DIP2C: variants seen among roughly 807,000 people sequenced by gnomAD.
The protein encoded by DIP2C is disco-interacting protein 2 homolog C.
A neutral mutation model predicts 192.4 loss-of-function variants in DIP2C; 33 were observed. The ratio of observed to expected loss-of-function variants is 0.17; its 90% CI spans 0.13 to 0.23. The LOEUF (loss-of-function observed/expected upper bound fraction) is 0.23, where lower values mean the gene tolerates loss of function less well. Among genes scored for constraint, DIP2C ranks in the 10% least tolerant of loss-of-function variants. The pLI is 1.00. For missense variants in DIP2C, 1,537 were observed against 2,110.1 expected (o/e 0.73, Z 5.32); for synonymous variants, 979 against 864.1 (o/e 1.13, Z -2.33).
At chr10:662,137 T>G (rs1856798155) in intron 1 of DIP2C, 3 of 717,182 alleles carry the variant, frequency 4.2e-6, no homozygotes, top group South Asian at 3.0e-5. Flanking sequence ...TTCCACATTC[T>G]GACCCCAATC....
intron 32 of DIP2C, among the ~76,000 whole-genome samples, chr10:300,331 A>G (rs1428689124): frequency 6.6e-6 from 1 of 152,242 alleles, no homozygotes; most frequent in Non-Finnish European, 1.5e-5. Flanking sequence ...AGATTTTGAC[A>G]CAATGCTACA....
chr10:667,437 T>C (rs1474311063), intron 1 of DIP2C: 4 of 152,170 alleles, frequency 2.6e-5, no homozygotes, highest in Non-Finnish European at 5.9e-5. Flanking sequence ...TGAGGAGCAG[T>C]CACGTGGATG....
intron 3 of DIP2C, among the ~76,000 whole-genome samples, chr10:458,037 G>A (rs573625271): frequency 1.2e-3 from 182 of 152,278 alleles, no homozygotes; most frequent in African/African-American, 4.0e-3. Context: ...AAAGTGCAGT[G>A]ATGAAGCAGG....
chr10:651,185 C>T lies in DIP2C; in HGVS notation c.85+38309G>A, dbSNP rs1431506359. 3 of 717,522 alleles carry T rather than the reference C, an allele frequency of 4.2e-6. No individual in the cohort carries two copies. Among genetic ancestry groups the T allele is most frequent in the Non-Finnish European group, 7.8e-6 (3 of 385,126 alleles). The allele number at this position is 717,522 out of a possible 1,614,324, so 44.4% of individuals were successfully genotyped here. ...ACCTGCCCAGGTCTGGGACCACCGT[C>T]CTCCACGCATATCTACAGACCCTGT... On this transcript the variant is annotated intron_variant, in intron 1 of 36. Coordinates refer to ENST00000280886, the MANE Select transcript of DIP2C (RefSeq NM_014974.3). The surrounding 1 kb of genome is among the most constrained non-coding windows in gnomAD (Gnocchi z 4.1).
intron 7 of DIP2C, among the ~76,000 whole-genome samples, chr10:414,670 G>C (rs1965423968): frequency 6.8e-6 from 1 of 147,696 alleles, no homozygotes; most frequent in Non-Finnish European, 1.5e-5. Context: ...CTACAGGCAT[G>C]CACCACCACG....
chr10:553,856 T>G (rs1482255423), intron 1 of DIP2C, among the ~76,000 whole-genome samples: 1 of 151,806 alleles, frequency 6.6e-6, no homozygotes, highest in African/African-American at 2.4e-5. Flanking sequence ...ACGTATACGC[T>G]TGTAACTAAC....
At chr10:640,018 C>T (rs530456940) in intron 1 of DIP2C, among the ~76,000 whole-genome samples, 3 of 151,148 alleles carry the variant, frequency 2.0e-5, no homozygotes, top group Admixed American at 1.3e-4. Context: ...TCCACGCATC[C>T]CCACGCGGCT....
intron 4 of DIP2C, among the ~76,000 whole-genome samples, chr10:429,169 C>A (rs962620142): frequency 6.6e-6 from 1 of 151,998 alleles, no homozygotes; most frequent in African/African-American, 2.4e-5. Flanking sequence ...TCACATGCTA[C>A]TAAAAAATCC....
At chr10:578,198 A>G (rs1057449305) in intron 1 of DIP2C, among the ~76,000 whole-genome samples, 5 of 152,180 alleles carry the variant, frequency 3.3e-5, no homozygotes, top group African/African-American at 1.2e-4. Context: ...GAACTTACAT[A>G]TCATTTTCAA....
chr10:549,823 A>G (rs1381172990), intron 1 of DIP2C, among the ~76,000 whole-genome samples: 1 of 152,096 alleles, frequency 6.6e-6, no homozygotes, highest in Non-Finnish European at 1.5e-5. Context: ...ACTAATTCAC[A>G]TAGATCTGAG....
At chr10:352,975 G>A (rs538621185) in intron 24 of DIP2C, among the ~76,000 whole-genome samples, 10 of 152,178 alleles carry the variant, frequency 6.6e-5, no homozygotes, top group Admixed American at 3.3e-4. Flanking sequence ...CATTCTCGGC[G>A]AGTGTCCCAT....
intron 30 of DIP2C, 30 bp from the exon 31 acceptor site, chr10:327,206 G>GC (rs761037805): frequency 6.2e-7 from 1 of 1,603,192 alleles, no homozygotes; most frequent in South Asian, 1.1e-5. Flanking sequence ...AACCGAGTCA[G>GC]CCCCCACGTG....
At chr10:337,800 C>CGTGTTGTGGAGGCCTAGGCAGCTGTGT (rs1957930838) in intron 29 of DIP2C, among the ~76,000 whole-genome samples, 2 of 122,548 alleles carry the variant, frequency 1.6e-5, no homozygotes, top group African/African-American at 6.7e-5. Context: ...TGTGTGTGCA[C>CGTGTTGTGGAGGCCTAGGCAGCTGTGT]GTGTGTCGTG....
intron 9 of DIP2C, among the ~76,000 whole-genome samples, chr10:400,088 A>G (rs948227922): frequency 6.6e-6 from 1 of 152,232 alleles, no homozygotes; most frequent in Non-Finnish European, 1.5e-5. Context: ...TCTATTACCC[A>G]GGCTGGAGTG....
chr10:509,582 G>T (rs1410509671), intron 1 of DIP2C, among the ~76,000 whole-genome samples: 1 of 152,214 alleles, frequency 6.6e-6, no homozygotes, highest in African/African-American at 2.4e-5. Flanking sequence ...TGCGGTAAGG[G>T]CTGCAGGTGT....
At chr10:619,367 G>A (rs1001801737) in intron 1 of DIP2C, among the ~76,000 whole-genome samples, 1 of 152,208 alleles carries the variant, frequency 6.6e-6, no homozygotes, top group African/African-American at 2.4e-5. Flanking sequence ...CTGGCTCCGG[G>A]GAAGCGACCG....
At chr10:659,741 CAG>C (rs1856641320) in intron 1 of DIP2C, among the ~76,000 whole-genome samples, 1 of 152,226 alleles carries the variant, frequency 6.6e-6, no homozygotes, top group Non-Finnish European at 1.5e-5. Context: ...GAATGTAAAA[CAG>C]GGTTGTGTGA....
intron 1 of DIP2C, among the ~76,000 whole-genome samples, chr10:535,986 A>G (rs913980613): frequency 6.6e-6 from 1 of 152,196 alleles, no homozygotes; most frequent in Non-Finnish European, 1.5e-5. Context: ...TGCAAAGAGT[A>G]TTTTCAGATG....
intron 28 of DIP2C, among the ~76,000 whole-genome samples, chr10:343,666 G>T (rs1958270978): frequency 6.6e-6 from 1 of 152,184 alleles, no homozygotes; most frequent in South Asian, 2.1e-4. Context: ...CTGCCTCCCT[G>T]GATTAGGAGT....
Sources: allele counts gnomAD v4.1 joint callset (sites outside exome capture counted in the v4.1 genomes callset), GRCh38; gene constraint gnomAD v4.1.1; non-coding constraint Gnocchi (gnomAD v3.1); transcripts MANE v1.5; gene names NCBI Gene and HGNC (gene_info 2026-07-23, HGNC 2026-07-21).